The following SHC4 variants were observed in gnomAD, a reference collection of about 807,000 sequenced individuals.
SHC4 encodes the protein SHC-transforming protein 4.
A neutral mutation model predicts 69.4 loss-of-function variants in SHC4; 41 were observed. The ratio of observed to expected loss-of-function variants is 0.59; its 90% CI spans 0.46 to 0.77. The LOEUF (loss-of-function observed/expected upper bound fraction) is 0.77. Ranked by LOEUF, SHC4 falls within the 30% of genes least tolerant of loss-of-function variation. The probability of loss-of-function intolerance (pLI) is 0.00; values close to 1 mark genes in which losing one functional copy is unlikely to be tolerated. For missense variants in SHC4, 777 were observed against 783.8 expected (o/e 0.99, Z 0.10); for synonymous variants, 318 against 299.3 (o/e 1.06, Z -0.64).
At chr15:48,887,021 A>C (rs759400897) in intron 3 of SHC4, among the ~76,000 whole-genome samples, 8 of 152,224 alleles carry the variant, frequency 5.3e-5, no homozygotes, top group Non-Finnish European at 1.2e-4. Flanking sequence ...TTGTACTGAC[A>C]TAGCAGCCTA....
intron 2 of SHC4, among the ~76,000 whole-genome samples, chr15:48,899,617 G>A (rs1407816183): frequency 6.6e-6 from 1 of 151,608 alleles, no homozygotes; most frequent in Non-Finnish European, 1.5e-5. Flanking sequence ...TCTTTTAAAG[G>A]CTATTTGGCA....
At chr15:48,890,864 T>C in intron 2 of SHC4, 53 bp from the exon 3 acceptor site, 1 of 1,577,966 alleles carries the variant, frequency 6.3e-7, no homozygotes, top group Non-Finnish European at 8.7e-7. Flanking sequence ...CTCCACACAG[T>C]AAGTGTTTAA....
chr15:48,850,765 T>A (rs1032459628), intron 9 of SHC4, among the ~76,000 whole-genome samples: 3 of 152,222 alleles, frequency 2.0e-5, no homozygotes, highest in African/African-American at 7.2e-5. Flanking sequence ...ATTTCAGACA[T>A]CCTTTCGTTC....
intron 6 of SHC4, among the ~76,000 whole-genome samples, chr15:48,865,906 T>C (rs897540245): frequency 1.3e-5 from 2 of 152,220 alleles, no homozygotes; most frequent in African/African-American, 2.4e-5. Context: ...CTGCCTCTCC[T>C]GTTTCACTTA....
At position 48,961,369 on chromosome 15, in the gene SHC4, T is replaced by C. The variant is rs1460811846; in HGVS notation, c.585+1062A>G. Reference sequence around the variant, plus strand: ...GCTACCCGTGATCTCTATTTGTCTTTATTCAACTCATACTTGTTTGAGTAC... The same window carrying C: ...GCTACCCGTGATCTCTATTTGTCTTCATTCAACTCATACTTGTTTGAGTAC... On this transcript the variant is annotated intron_variant, in intron 1 of 11. Coordinates refer to ENST00000332408, the MANE Select transcript of SHC4 (RefSeq NM_203349.4). Among the ~76,000 whole-genome samples, 6 of 152,208 alleles carry C rather than the reference T, an allele frequency of 3.9e-5. No homozygotes were observed. In the East Asian group the frequency reaches 1.2e-3, roughly 29 times the overall value.
intron 6 of SHC4, among the ~76,000 whole-genome samples, chr15:48,862,566 C>T (rs1032561812): frequency 6.6e-6 from 1 of 152,140 alleles, no homozygotes; most frequent in African/African-American, 2.4e-5. Context: ...TGGGAAGCTT[C>T]GGGATTGTCA....
rs146243635 is a variant in SHC4, at chr15:48,843,541, A to G, written c.1351T>C (p.Leu451=). 11 of 1,614,226 alleles carry G rather than the reference A, an allele frequency of 6.8e-6. No homozygotes were observed. Among genetic ancestry groups the G allele is most frequent in the Non-Finnish European group, 9.3e-6 (11 of 1,180,018 alleles). ...AGATCCACTCGGCACGTGTGCTTCA[A>G]TAATGAGGTATCTCGCTGGGACTGC... ...GVQSQRDTSL[L]KHTCRVDLFD... The change falls in exon 10 of 12, where the codon TTG becomes CTG. Residue 451 remains leucine, a synonymous_variant. Transcript: ENST00000332408.
At chr15:48,855,648 G>A (rs1034299363) in intron 8 of SHC4, among the ~76,000 whole-genome samples, 9 of 152,126 alleles carry the variant, frequency 5.9e-5, no homozygotes, top group Admixed American at 1.3e-4. Context: ...AGTTGCTAAG[G>A]AAGAGAAGCA....
At chr15:48,891,320 T>G (rs1281220194) in intron 2 of SHC4, among the ~76,000 whole-genome samples, 1 of 152,200 alleles carries the variant, frequency 6.6e-6, no homozygotes, top group African/African-American at 2.4e-5. Flanking sequence ...TTTTATTGAC[T>G]AGGTTGCTGC....
At chr15:48,837,822 A>T (rs1284563191) in intron 10 of SHC4, among the ~76,000 whole-genome samples, 1 of 152,222 alleles carries the variant, frequency 6.6e-6, no homozygotes, top group African/African-American at 2.4e-5. Context: ...TCTAATGGGC[A>T]AAAACCTCTA....
intron 2 of SHC4, among the ~76,000 whole-genome samples, chr15:48,907,134 A>C (rs1055728704): frequency 1.3e-5 from 2 of 151,866 alleles, no homozygotes; most frequent in Admixed American, 1.3e-4. Context: ...AAGGAATGCA[A>C]AAAAAAATTA....
At chr15:48,842,876 A>G (rs992587254) in intron 10 of SHC4, among the ~76,000 whole-genome samples, 18 of 152,194 alleles carry the variant, frequency 1.2e-4, no homozygotes, top group Admixed American at 5.9e-4. Flanking sequence ...GGTTGCAGTG[A>G]CCCGTGATCA....
At chr15:48,928,732 C>CA (rs1321198202) in intron 1 of SHC4, among the ~76,000 whole-genome samples, 2 of 152,158 alleles carry the variant, frequency 1.3e-5, no homozygotes, top group Non-Finnish European at 2.9e-5. Context: ...CCCTTCCCTT[C>CA]ATGTGAACCT....
rs1899349933 is a variant in SHC4 at position 48,857,583 on chromosome 15, CATTTT to C, written c.1070+104_1070+108del. On this transcript the variant is annotated intron_variant, in intron 7 of 11. Coordinates refer to ENST00000332408, the MANE Select transcript of SHC4 (RefSeq NM_203349.4). ...AAAAAAATTACTAATTTTATTAGTT[CATTTT>C]AAAATGCCACATTAATGTTATATAT... The C allele has an allele frequency of 7.8e-6, 8 of 1,022,700 alleles. No individual in the cohort carries two copies. The Admixed American group carries it at 9.6e-5, about 12-fold the overall frequency. The allele number at this position is 1,022,700 out of a possible 1,614,324, so 63.4% of individuals were successfully genotyped here.
intron 9 of SHC4, among the ~76,000 whole-genome samples, chr15:48,849,407 C>T (rs1162735625): frequency 2.6e-5 from 4 of 152,142 alleles, no homozygotes; most frequent in Non-Finnish European, 5.9e-5. Flanking sequence ...CCTATAACAT[C>T]TTGGGCTTTG....
chr15:48,860,491 G>C (rs890051989), intron 6 of SHC4, among the ~76,000 whole-genome samples: 1 of 151,962 alleles, frequency 6.6e-6, no homozygotes, highest in African/African-American at 2.4e-5. Flanking sequence ...TGGGCGACGA[G>C]TGAAACTCCA....
intron 2 of SHC4, among the ~76,000 whole-genome samples, chr15:48,914,154 C>G (rs1900570830): frequency 6.6e-6 from 1 of 152,248 alleles, no homozygotes; most frequent in Admixed American, 6.5e-5. Flanking sequence ...AGCCACCGCG[C>G]CCGGCGCGAC....
chr15:48,949,824 T>C (rs1901336471), intron 1 of SHC4, among the ~76,000 whole-genome samples: 1 of 146,386 alleles, frequency 6.8e-6, no homozygotes, highest in Non-Finnish European at 1.5e-5. Flanking sequence ...CAAATTAATA[T>C]ATATATAAAT....
intron 9 of SHC4, among the ~76,000 whole-genome samples, chr15:48,846,589 T>G (rs909508872): frequency 6.6e-6 from 1 of 152,172 alleles, no homozygotes; most frequent in Non-Finnish European, 1.5e-5. Flanking sequence ...TGCCACTTCA[T>G]GATATACTGC....
Sources: gnomAD v4.1 joint callset for allele counts (sites outside exome capture counted in the v4.1 genomes callset) on GRCh38, gnomAD v4.1.1 for gene constraint, MANE v1.5 for transcripts, NCBI Gene and HGNC (gene_info 2026-07-23, HGNC 2026-07-21) for gene names.